PDZRN4: variants seen among roughly 807,000 people sequenced by gnomAD.
PDZRN4 encodes the protein PDZ domain-containing RING finger protein 4.
PDZRN4 carries 70 observed loss-of-function variants against 99.0 expected under a neutral mutation model. The ratio of observed to expected loss-of-function variants is 0.71; its 90% confidence interval spans 0.58 to 0.86. The LOEUF (loss-of-function observed/expected upper bound fraction) is 0.86. PDZRN4 is among the 40% of genes least tolerant of loss of function. The pLI, the probability that PDZRN4 is intolerant of heterozygous loss-of-function variation, is 0.00. For missense variants in PDZRN4, 1,474 were observed against 1,331.2 expected, an observed-to-expected ratio of 1.11 and a Z score of -1.67; for synonymous variants, 551 against 501.6, an observed-to-expected ratio of 1.10 and a Z score of -1.32.
intron 5 of PDZRN4, among the ~76,000 whole-genome samples, chr12:41,545,545 G>T (rs936498873): frequency 7.2e-6 from 1 of 138,212 alleles, no homozygotes; most frequent in Non-Finnish European, 1.6e-5. Flanking sequence ...GTGTGTGTGT[G>T]TGTGTGTGAC....
intron 3 of PDZRN4, among the ~76,000 whole-genome samples, chr12:41,371,066 C>T (rs1378390139): frequency 2.7e-5 from 4 of 150,462 alleles, no homozygotes; most frequent in Admixed American, 1.3e-4. Context: ...TGTATATTTA[C>T]AGTTTTTTGG....
chr12:41,539,562 A>G (rs976217236), intron 5 of PDZRN4, among the ~76,000 whole-genome samples: 1 of 152,102 alleles, frequency 6.6e-6, no homozygotes, highest in Non-Finnish European at 1.5e-5. Context: ...TCTCCCCAGT[A>G]TAAAATAGCT....
At chr12:41,407,686 A>C (rs1416717843) in intron 3 of PDZRN4, among the ~76,000 whole-genome samples, 1 of 149,460 alleles carries the variant, frequency 6.7e-6, no homozygotes, top group Admixed American at 6.7e-5. Flanking sequence ...TCTAATTACA[A>C]CTGCAGTGTT....
intron 2 of PDZRN4, 76 bp from the exon 3 acceptor site, chr12:41,194,005 A>C: frequency 1.4e-6 from 1 of 706,744 alleles, no homozygotes; most frequent in South Asian, 1.6e-5. Context: ...TGGTAATGTT[A>C]CATTTGGTAA....
chr12:41,226,513 C>A (rs996654777), intron 3 of PDZRN4, among the ~76,000 whole-genome samples: 1 of 151,164 alleles, frequency 6.6e-6, no homozygotes. Flanking sequence ...TATGGAGGAA[C>A]AAAGCTTTGA....
At chr12:41,373,436 C>CCTCAGGGATGCATTCTCTTT (rs1354364204) in intron 3 of PDZRN4, among the ~76,000 whole-genome samples, 2 of 152,044 alleles carry the variant, frequency 1.3e-5, no homozygotes, top group Non-Finnish European at 2.9e-5. Context: ...AGAGGCCTAC[C>CCTCAGGGATGCATTCTCTTT]CTCAGGGATG....
chr12:41,573,119 G>C lies in PDZRN4; in HGVS notation c.2340G>C (p.Gln780His), dbSNP rs1243081732. ...TGAGAAGCACAATGGCAGCCACCCA[G>C]TCCTCTTCCGGACAGAGCAGTAAAG... The part of the protein sequence containing the change: ...KNLRSTMAAT[Q>H]SSSGQSSKES... Residue 780 changes from glutamine to histidine, a missense_variant, in exon 10 of 10, where the codon CAG becomes CAC. Gln to His is a conservative substitution (Grantham distance 24). Coordinates refer to ENST00000402685, the MANE Select transcript of PDZRN4 (RefSeq NM_001164595.2). The C allele has an allele frequency of 2.5e-6, 4 of 1,614,100 alleles. No homozygotes were observed. The highest frequency in any genetic ancestry group is 3.4e-6 in the Non-Finnish European group (4 of 1,180,008).
intron 3 of PDZRN4, among the ~76,000 whole-genome samples, chr12:41,249,339 CA>C (rs1168497791): frequency 1.3e-5 from 2 of 152,160 alleles, no homozygotes; most frequent in Non-Finnish European, 2.9e-5. Context: ...CTAATTAAGA[CA>C]AATTCCTGTA....
intron 5 of PDZRN4, among the ~76,000 whole-genome samples, chr12:41,536,164 C>A (rs1011131005): frequency 6.6e-6 from 1 of 152,094 alleles, no homozygotes; most frequent in African/African-American, 2.4e-5. Context: ...TCCTTAATTG[C>A]TAAAACAGGA....
intron 3 of PDZRN4, among the ~76,000 whole-genome samples, chr12:41,334,220 G>T (rs1951758222): frequency 6.6e-6 from 1 of 152,010 alleles, no homozygotes; most frequent in African/African-American, 2.4e-5. Flanking sequence ...CCTCAGAACA[G>T]AATTTTTCAC....
At chr12:41,314,524 G>A (rs1181149935) in intron 3 of PDZRN4, among the ~76,000 whole-genome samples, 1 of 152,192 alleles carries the variant, frequency 6.6e-6, no homozygotes, top group Non-Finnish European at 1.5e-5. Flanking sequence ...GGAGCCTGGA[G>A]CCTTCACCAA....
At chr12:41,545,484 GC>G (rs1170934155) in intron 5 of PDZRN4, among the ~76,000 whole-genome samples, 3 of 149,850 alleles carry the variant, frequency 2.0e-5, no homozygotes, top group Non-Finnish European at 4.4e-5. Context: ...ATTTCCCTCT[GC>G]CCCAGCCCAT....
At chr12:41,196,097 C>CAAA (rs1950770305) in intron 3 of PDZRN4, among the ~76,000 whole-genome samples, 1 of 151,754 alleles carries the variant, frequency 6.6e-6, no homozygotes, top group South Asian at 2.1e-4. Flanking sequence ...GGTTACAAAC[C>CAAA]TACTGTTTTT....
chr12:41,193,446 G>T (rs899822740), intron 2 of PDZRN4, among the ~76,000 whole-genome samples: 1 of 152,024 alleles, frequency 6.6e-6, no homozygotes, highest in Non-Finnish European at 1.5e-5. Flanking sequence ...TACCATATTG[G>T]CTATGTTTGA....
chr12:41,437,249 C>G (rs899446705), intron 3 of PDZRN4, among the ~76,000 whole-genome samples: 3 of 152,070 alleles, frequency 2.0e-5, no homozygotes, highest in Non-Finnish European at 4.4e-5. Flanking sequence ...TGTCACCCCC[C>G]CAAATTTCCT....
chr12:41,552,429 T>A (rs151066404), intron 5 of PDZRN4, among the ~76,000 whole-genome samples: 1 of 152,164 alleles, frequency 6.6e-6, no homozygotes, highest in Non-Finnish European at 1.5e-5. Flanking sequence ...AACAACTGTG[T>A]ATCTCCAAAC....
chr12:41,288,952 A>G (rs730760), intron 3 of PDZRN4, among the ~76,000 whole-genome samples: 112,079 of 151,814 alleles, frequency 0.74, 41,667 homozygotes, highest in East Asian at 0.86. Context: ...CTGAGAATAC[A>G]CACCTGAAAT....
intron 3 of PDZRN4, among the ~76,000 whole-genome samples, chr12:41,340,398 T>C (rs1237338429): frequency 1.3e-5 from 2 of 151,636 alleles, no homozygotes; most frequent in East Asian, 3.9e-4. Context: ...CTTATGGAGA[T>C]GGAGAGTAGA....
chr12:41,385,484 G>A (rs1952162510), intron 3 of PDZRN4, among the ~76,000 whole-genome samples: 1 of 152,016 alleles, frequency 6.6e-6, no homozygotes, highest in Non-Finnish European at 1.5e-5. Flanking sequence ...AACAACAAAG[G>A]GGATATTACC....
Sources: gnomAD v4.1 joint callset for allele counts (sites outside exome capture counted in the v4.1 genomes callset) on GRCh38, gnomAD v4.1.1 for gene constraint, MANE v1.5 for transcripts, NCBI Gene and HGNC (gene_info 2026-07-23, HGNC 2026-07-21) for gene names.